Variants in SCAP observed in about 807,000 individuals in gnomAD.
The protein encoded by SCAP is sterol regulatory element-binding protein cleavage-activating protein.
Under a neutral mutation model 123.6 loss-of-function variants are expected in SCAP, and 65 were observed. The ratio of observed to expected loss-of-function variants is 0.53; its 90% CI spans 0.43 to 0.65. The LOEUF (loss-of-function observed/expected upper bound fraction) is 0.65. Among genes scored for constraint, SCAP ranks in the 30% least tolerant of loss-of-function variants. The pLI is 0.00. For missense variants in SCAP, 1,398 were observed against 1,712.5 expected (o/e 0.82, Z 3.24); for synonymous variants, 740 against 726.3 (o/e 1.02, Z -0.30).
chr3:47,431,519 T>C (rs1706357780), intron 3 of SCAP, among the ~76,000 whole-genome samples: 1 of 152,132 alleles, frequency 6.6e-6, no homozygotes, highest in South Asian at 2.1e-4. Context: ...AGGCTTCTTG[T>C]AGCTTGTGAC....
At chr3:47,476,549 T>TAGACATTTAAAAGCATAAGTTG (rs1375081664), upstream of SCAP, among the ~76,000 whole-genome samples, 1 of 152,182 alleles carries the variant, frequency 6.6e-6, no homozygotes, top group Non-Finnish European at 1.5e-5. Context: ...AGTTTCCCTA[T>TAGACATTTAAAAGCATAAGTTG]AGACATTTAA....
chr3:47,433,526 C>G (rs1706450020), intron 3 of SCAP, among the ~76,000 whole-genome samples: 1 of 152,214 alleles, frequency 6.6e-6, no homozygotes, highest in Non-Finnish European at 1.5e-5. Flanking sequence ...ATGAACTCTC[C>G]TAGTCAGGAA....
intron 3 of SCAP, among the ~76,000 whole-genome samples, chr3:47,434,415 C>T (rs1706487001): frequency 6.6e-6 from 1 of 152,180 alleles, no homozygotes; most frequent in African/African-American, 2.4e-5. Flanking sequence ...GAGTTAGGTC[C>T]CTTGACTGAG....
At chr3:47,434,529 A>T (rs2107864150) in intron 3 of SCAP, among the ~76,000 whole-genome samples, 1 of 152,306 alleles carries the variant, frequency 6.6e-6, no homozygotes, top group African/African-American at 2.4e-5. Context: ...TGGGGTCAGG[A>T]GACCTAGAGT....
In SCAP at chr3:47,427,179, C is replaced by T. The variant is rs777616283; in HGVS notation, c.715G>A (p.Val239Ile). 3 of 1,613,722 alleles carry T rather than the reference C, an allele frequency of 1.9e-6. No individual in the cohort carries two copies. Among genetic ancestry groups the T allele is most frequent in the Non-Finnish European group, 2.5e-6 (3 of 1,179,704 alleles). Residue 239 changes from valine (V) to isoleucine (I), a missense_variant, in exon 6 of 23, where the codon GTC becomes ATC. Physicochemically the swap from Val to Ile is conservative, Grantham distance 29. Transcript: ENST00000265565. ...TACTTGGCATGGTAGTGCTGGAAGA[C>T]CAGGGTGATGGTGTAGGAGACCATC... ...KRMVSYTITL[V>I]FQHYHAKFLG...
intron 1 of SCAP, among the ~76,000 whole-genome samples, chr3:47,445,015 G>A (rs1353744462): frequency 4.7e-5 from 7 of 148,204 alleles, no homozygotes; most frequent in East Asian, 2.0e-4. Context: ...CAAGTGATCC[G>A]CCAGCCTCAG....
At chr3:47,447,997 C>A (rs1266543807) in intron 1 of SCAP, among the ~76,000 whole-genome samples, 3 of 102,076 alleles carry the variant, frequency 2.9e-5, no homozygotes, top group Admixed American at 1.1e-4. Flanking sequence ...AGGGAGACTC[C>A]GTCTCAAAAA....
At chr3:47,475,702 G>T in intron 1 of SCAP, 97 bp downstream of exon 1, 1 of 153,102 alleles carries the variant, frequency 6.5e-6, no homozygotes, top group South Asian at 1.8e-4. Context: ...ACGCACCCCC[G>T]AACCTAGCGG....
intron 1 of SCAP, among the ~76,000 whole-genome samples, chr3:47,445,335 C>T (rs1321635932): frequency 6.0e-5 from 9 of 150,972 alleles, no homozygotes; most frequent in Non-Finnish European, 1.3e-4. Context: ...CAACCTCTGC[C>T]TCCCAGATTC....
In SCAP at chr3:47,419,489, C is replaced by T. The variant is rs35915520; in HGVS notation, c.1779G>A (p.Ser593=). The T allele has an allele frequency of 1.5e-4, 235 of 1,613,956 alleles. No individual in the cohort carries two copies. In the African/African-American group the frequency reaches 2.3e-3, roughly 16 times the overall value. ...DAPKLPENQT[S]PGESPERGGP... ...CTCCACGCTCAGGTGACTCGCCTGG[C>T]GACGTCTGGTTCTCAGGTAGCTTAG... The change falls in exon 13 of 23, where the codon TCG becomes TCA. Residue 593 remains serine (S), a synonymous_variant. Transcript: ENST00000265565. This position sits in a 1 kb window ranked among gnomAD's most constrained non-coding sequence, Gnocchi z 5.0.
At position 47,443,060 on chromosome 3, in the gene SCAP, C is replaced by T; in HGVS notation, c.-67G>A. 1 of 1,606,230 alleles carries T rather than the reference C, an allele frequency of 6.2e-7. No homozygotes were observed. The highest frequency in any genetic ancestry group is 8.5e-7 in the Non-Finnish European group (1 of 1,176,734). ...ATGGATCACCCTGGCACACACTTGA[C>T]AGCACTGACAAAGAACAACATGTGC... On this transcript the variant is annotated 5_prime_UTR_variant, in exon 2 of 23. Coordinates refer to ENST00000265565, the MANE Select transcript of SCAP (RefSeq NM_012235.4).
chr3:47,443,806 C>T (rs1403046971), intron 1 of SCAP, among the ~76,000 whole-genome samples: 3 of 152,082 alleles, frequency 2.0e-5, no homozygotes, highest in Admixed American at 6.5e-5. Context: ...GGAACCACCT[C>T]GCTCCACAGG....
intron 1 of SCAP, among the ~76,000 whole-genome samples, chr3:47,458,071 T>G (rs1015831087): frequency 6.6e-6 from 1 of 152,008 alleles, no homozygotes; most frequent in African/African-American, 2.4e-5. Context: ...GCAGATCACC[T>G]GAGGTCTGGA....
Position 47,418,474 on chromosome 3 carries a change from C to T in SCAP, c.2178G>A (p.Leu726=), listed in dbSNP as rs1442382775. 6.2e-7 allele frequency: 1 copy of T among 1,600,090 alleles called. No homozygotes were observed. Among genetic ancestry groups the T allele is most frequent in the Admixed American group, 1.7e-5 (1 of 58,720 alleles). Residue 726 remains leucine, a synonymous_variant, in exon 15 of 23, where the codon CTG becomes CTA. Transcript: ENST00000265565. ...GGCATAGCACGCGGTAGAGGCAGAGCAGCAGCAGCACCAAGACGATGCCGG... is the reference window on the plus strand; with the variant it reads ...GGCATAGCACGCGGTAGAGGCAGAGTAGCAGCAGCACCAAGACGATGCCGG... ...LATGIVLVLL[L]LCLYRVLCPR...
At chr3:47,447,141 C>T (rs1302258830) in intron 1 of SCAP, among the ~76,000 whole-genome samples, 20 of 152,138 alleles carry the variant, frequency 1.3e-4, no homozygotes, top group Admixed American at 1.3e-4. Context: ...CAGTGGCTCA[C>T]GCCTATAGTC....
At chr3:47,438,756 G>C (rs965601658) in intron 2 of SCAP, among the ~76,000 whole-genome samples, 2 of 151,728 alleles carry the variant, frequency 1.3e-5, no homozygotes, top group African/African-American at 4.8e-5. Flanking sequence ...GGAGGTTGCA[G>C]TGAGCCAAGA....
chr3:47,436,206 A>G (rs370577835), intron 2 of SCAP, among the ~76,000 whole-genome samples: 9 of 152,356 alleles, frequency 5.9e-5, no homozygotes, highest in African/African-American at 1.9e-4. Flanking sequence ...CTAAGCAACT[A>G]TTCCACTTAA....
In SCAP at chr3:47,418,517, G is replaced by C; in HGVS notation, c.2135C>G (p.Ala712Gly). Reference protein sequence around the residue: ...AHGDVTLYKVAALGLATGIVL... With the variant: ...AHGDVTLYKVGALGLATGIVL... ...GATGCCGGTGGCCAGGCCCAGCGCCGCCACCCTGCACGGGAGGGCGGACTG... is the reference window on the plus strand; with the variant it reads ...GATGCCGGTGGCCAGGCCCAGCGCCCCCACCCTGCACGGGAGGGCGGACTG... Residue 712 changes from alanine to glycine, a missense_variant, in exon 15 of 23, where the codon GCG (alanine) becomes GGG (glycine). By Grantham distance (60) the Ala-to-Gly change is moderately conservative (BLOSUM62 0). This residue lies in a region of SCAP where 828 missense variants were observed against 882.5 expected (regional missense o/e 0.94). Transcript: ENST00000265565. 6.3e-7 allele frequency: 1 copy of C among 1,590,608 alleles called. No individual in the cohort carries two copies. Among genetic ancestry groups the C allele is most frequent in the Non-Finnish European group, 8.5e-7 (1 of 1,169,594 alleles).
intron 1 of SCAP, among the ~76,000 whole-genome samples, chr3:47,457,078 C>G (rs1388122619): frequency 1.3e-5 from 2 of 152,076 alleles, no homozygotes; most frequent in Non-Finnish European, 2.9e-5. Context: ...GAGAAAAAAG[C>G]AAGGGAGCAG....
Sources: gnomAD v4.1 joint callset for allele counts (sites outside exome capture counted in the v4.1 genomes callset) on GRCh38, gnomAD v4.1.1 for gene constraint, gnomAD v4.1.1 regional missense constraint, Gnocchi (gnomAD v3.1) non-coding constraint, MANE v1.5 for transcripts, NCBI Gene and HGNC (gene_info 2026-07-23, HGNC 2026-07-21) for gene names.